Variants in ITPR3 observed in about 807,000 individuals in gnomAD.
ITPR3 encodes the protein inositol 1,4,5-trisphosphate receptor type 3.
ITPR3 carries 173 observed loss-of-function variants against 293.2 expected under a neutral mutation model. That is an observed-to-expected ratio of 0.59 (90% CI 0.52 to 0.67). The LOEUF (loss-of-function observed/expected upper bound fraction) is 0.67. Ranked by LOEUF, ITPR3 falls within the 30% of genes least tolerant of loss-of-function variation. ITPR3 has a pLI of 0.00. For missense variants in ITPR3, 2,796 were observed against 3,592.1 expected (o/e 0.78, Z 5.66); for synonymous variants, 1,295 against 1,444.4 (o/e 0.90, Z 2.35).
chr6:33,680,321 C>T lies in ITPR3; in HGVS notation c.4225-8C>T. Reference sequence around the variant, plus strand: ...GCTTGCGCCCCTGACCTCCCGCCCACTGCCCAGGTGAAAATGGCCTATGTG... The same window carrying T: ...GCTTGCGCCCCTGACCTCCCGCCCATTGCCCAGGTGAAAATGGCCTATGTG... On this transcript the variant is annotated splice_region_variant and splice_polypyrimidine_tract_variant and intron_variant, in intron 31 of 57. Coordinates refer to ENST00000605930, the MANE Select transcript of ITPR3 (RefSeq NM_002224.4). The T allele has an allele frequency of 6.2e-7, 1 of 1,611,958 alleles. No homozygotes were observed. Among genetic ancestry groups the T allele is most frequent in the South Asian group, 1.1e-5 (1 of 90,880 alleles).
rs1425467201 is a variant in ITPR3, at chr6:33,683,960, T to C, written c.4789-60T>C. ...CTGTTTGGCGTTTGGGTCGGAGGAA[T>C]GGCAGTCACACCCGGGTCATTTCTT... is the stretch of plus-strand genomic sequence containing the variant. On this transcript the variant is annotated intron_variant, in intron 35 of 57. Coordinates refer to ENST00000605930, the MANE Select transcript of ITPR3 (RefSeq NM_002224.4). This position sits in a 1 kb window ranked among gnomAD's most constrained non-coding sequence, Gnocchi z 4.5. 2.0e-6 allele frequency: 3 copies of C among 1,536,982 alleles called. No homozygotes were observed. In the East Asian group the frequency reaches 6.8e-5, roughly 35 times the overall value.
At chr6:33,644,574 T>C (rs1031014709) in intron 2 of ITPR3, among the ~76,000 whole-genome samples, 1 of 152,154 alleles carries the variant, frequency 6.6e-6, no homozygotes, top group Non-Finnish European at 1.5e-5. Context: ...TTTTATTTTT[T>C]ACTCATGCCT....
At chr6:33,636,839 G>A (rs1302740979) in intron 1 of ITPR3, among the ~76,000 whole-genome samples, 1 of 152,160 alleles carries the variant, frequency 6.6e-6, no homozygotes, top group East Asian at 1.9e-4. Context: ...CGACGTGAGT[G>A]CAGATGGAGA....
chr6:33,622,867 T>C (rs1009058437), intron 1 of ITPR3, among the ~76,000 whole-genome samples: 1 of 152,164 alleles, frequency 6.6e-6, no homozygotes, highest in African/African-American at 2.4e-5. Context: ...GAGGGCTGGC[T>C]CTGCCAAGCA....
intron 48 of ITPR3, 90 bp downstream of exon 48, chr6:33,688,521 C>A: frequency 1.3e-6 from 2 of 1,499,290 alleles, no homozygotes; most frequent in Non-Finnish European, 8.9e-7. Flanking sequence ...CTGTGGGTGC[C>A]CTGCGCCCAA....
At chr6:33,652,230 C>T (rs1221716662) in intron 2 of ITPR3, among the ~76,000 whole-genome samples, 1 of 152,122 alleles carries the variant, frequency 6.6e-6, no homozygotes. Flanking sequence ...TGCCTCGTAA[C>T]CTCTTCCTCC....
chr6:33,689,176 G>A, intron 49 of ITPR3, 62 bp from the exon 50 acceptor site: 3 of 1,576,858 alleles, frequency 1.9e-6, no homozygotes, highest in Non-Finnish European at 2.6e-6. Flanking sequence ...GCACCTGTTG[G>A]ACCTGCTCTG....
At position 33,658,008 on chromosome 6, in the gene ITPR3, G is replaced by C; in HGVS notation, c.359G>C (p.Ser120Thr). ...KVHGDVVKYG[S>T]VIQLLHMKSN... ...CATGGGGATGTCGTGAAGTATGGCAGTGTGATCCAGGTGAGGCTGGCCTGC... is the reference window on the plus strand; with the variant it reads ...CATGGGGATGTCGTGAAGTATGGCACTGTGATCCAGGTGAGGCTGGCCTGC... The change falls in exon 4 of 58, where the codon AGT (serine) becomes ACT (threonine). Residue 120 changes from serine to threonine, a missense_variant. Physicochemically the swap from Ser to Thr is moderately conservative, Grantham distance 58 (BLOSUM62 1). This residue lies in a region of ITPR3 where 144 missense variants were observed against 230.8 expected (regional missense o/e 0.62). Coordinates refer to ENST00000605930, the MANE Select transcript of ITPR3 (RefSeq NM_002224.4). The surrounding 1 kb of genome is among the most constrained non-coding windows in gnomAD (Gnocchi z 6.1). 5.0e-6 allele frequency: 8 copies of C among 1,613,286 alleles called. No individual in the cohort carries two copies. The highest frequency in any genetic ancestry group is 6.8e-6 in the Non-Finnish European group (8 of 1,179,532).
intron 1 of ITPR3, among the ~76,000 whole-genome samples, chr6:33,636,418 C>T (rs571839597): frequency 6.6e-6 from 1 of 152,130 alleles, no homozygotes; most frequent in South Asian, 2.1e-4. Flanking sequence ...CAGGTGAGAG[C>T]TGGTGGGAGC....
chr6:33,695,850 C>G lies in ITPR3; in HGVS notation c.*70C>G, dbSNP rs953913633. On this transcript the variant is annotated 3_prime_UTR_variant, in exon 58 of 58. Transcript: ENST00000605930. ...ACTGCGACTGGGAAGAACACTGCCC[C>G]CTCCCTCGGGTTGGGTGGCCCAGCC... 2 of 1,515,014 alleles carry G rather than the reference C, an allele frequency of 1.3e-6. No homozygotes were observed. Among genetic ancestry groups the G allele is most frequent in the Non-Finnish European group, 1.8e-6 (2 of 1,093,492 alleles). 93.8% of individuals were successfully genotyped at this position (1,515,014 alleles called of 1,614,324 possible).
intron 56 of ITPR3, 100 bp downstream of exon 56, chr6:33,693,805 T>G: frequency 2.1e-6 from 3 of 1,401,926 alleles, no homozygotes; most frequent in Non-Finnish European, 2.9e-6. Context: ...CTGAGTACCC[T>G]GGGCCCTGGA....
At chr6:33,640,663 C>T (rs1449824873) in intron 2 of ITPR3, 109 bp downstream of exon 2, 13 of 905,674 alleles carry the variant, frequency 1.4e-5, no homozygotes, top group African/African-American at 3.3e-5. Context: ...TTAGATGTGG[C>T]GCTGCCCTGC....
intron 7 of ITPR3, among the ~76,000 whole-genome samples, chr6:33,660,694 C>T (rs1349896506): frequency 6.6e-6 from 1 of 152,064 alleles, no homozygotes; most frequent in Non-Finnish European, 1.5e-5. Flanking sequence ...TTTGGGAGGC[C>T]GAAGCGGGTG....
intron 56 of ITPR3, chr6:33,694,391 C>A: frequency 5.8e-6 from 1 of 170,982 alleles, no homozygotes; most frequent in Admixed American, 6.4e-5. Context: ...CTGAGAATTG[C>A]TTGGTGCCCC....
chr6:33,651,199 C>T (rs7759142), intron 2 of ITPR3, among the ~76,000 whole-genome samples: 11,871 of 150,654 alleles, frequency 0.079, 530 homozygotes, highest in Non-Finnish European at 0.099. Context: ...ATGGTGTGAA[C>T]CCGGGAGGCG....
At position 33,687,542 on chromosome 6, in the gene ITPR3, A is replaced by T. The variant is rs140217812; in HGVS notation, c.6242A>T (p.Glu2081Val). 18 of 1,602,408 alleles carry T rather than the reference A, an allele frequency of 1.1e-5. No individual in the cohort carries two copies. The African/African-American group carries it at 2.4e-4, about 21-fold the overall frequency. The change falls in exon 46 of 58, where the codon GAG becomes GTG. Residue 2081 changes from glutamate to valine, a missense_variant. Glu to Val is a moderately radical substitution (Grantham distance 121). Transcript: ENST00000605930. The surrounding 1 kb of genome is among the most constrained non-coding windows in gnomAD (Gnocchi z 5.3). ...LKPVKRIQEE[E>V]AEGISSMLSL... ...CCGGTGAAGCGCATTCAAGAGGAGGAGGCCGAGGGTATCTCTTCCATGGTG... is the reference window on the plus strand; with the variant it reads ...CCGGTGAAGCGCATTCAAGAGGAGGTGGCCGAGGGTATCTCTTCCATGGTG...
At chr6:33,668,755 A>T in intron 17 of ITPR3, 121 bp downstream of exon 17, 1 of 1,474,452 alleles carries the variant, frequency 6.8e-7, no homozygotes, top group Non-Finnish European at 9.3e-7. Context: ...GCAGCTGTGA[A>T]CTCTGTGCCT....
chr6:33,686,729 T>C (rs572972291), intron 43 of ITPR3, among the ~76,000 whole-genome samples: 146 of 151,302 alleles, frequency 9.6e-4, no homozygotes, highest in African/African-American at 2.9e-3. Flanking sequence ...ATACACTCAC[T>C]CTGGATGCAA....
chr6:33,666,621 A>G lies in ITPR3; in HGVS notation c.1552-508A>G, dbSNP rs531716224. Among the ~76,000 whole-genome samples the G allele has an allele frequency of 1.1e-3, 161 of 149,532 alleles. 2 individuals carry two copies. The South Asian group carries it at 0.024, about 23-fold the overall frequency. On this transcript the variant is annotated intron_variant, in intron 14 of 57. Transcript: ENST00000605930. This position sits in a 1 kb window ranked among gnomAD's most constrained non-coding sequence, Gnocchi z 5.1. The stretch of plus-strand genomic sequence containing the variant: ...GTAAAGTTTGTTTTTTTTTTTTTAG[A>G]AACGAGGATCCAATTAAGGTTTTTT...
Sources: allele counts gnomAD v4.1 joint callset (sites outside exome capture counted in the v4.1 genomes callset), GRCh38; gene constraint gnomAD v4.1.1; regional missense constraint gnomAD v4.1.1; non-coding constraint Gnocchi (gnomAD v3.1); transcripts MANE v1.5; gene names NCBI Gene and HGNC (gene_info 2026-07-23, HGNC 2026-07-21).